Variants in UGT1A10 observed in about 807,000 individuals in gnomAD.
UGT1A10 encodes the protein UDP-glucuronosyltransferase 1A10.
UGT1A10 carries 49 observed loss-of-function variants against 45.8 expected under a neutral mutation model. The ratio of observed to expected loss-of-function variants is 1.07; its 90% CI spans 0.85 to 1.36. The LOEUF (loss-of-function observed/expected upper bound fraction) is 1.36, where lower values mean the gene tolerates loss of function less well. UGT1A10 is among the 40% of genes most tolerant of loss of function. The probability of loss-of-function intolerance (pLI) is 0.00; values close to 1 mark genes in which losing one functional copy is unlikely to be tolerated. For synonymous variants in UGT1A10, 284 were observed against 249.7 expected (o/e 1.14, Z -1.29); for missense variants, 745 against 668.6 (o/e 1.11, Z -1.26).
intron 1 of UGT1A10, among the ~76,000 whole-genome samples, chr2:233,650,222 G>A (rs1440633067): frequency 2.6e-5 from 4 of 152,048 alleles, no homozygotes; most frequent in African/African-American, 9.7e-5. Context: ...TGCCTGCCTC[G>A]GCCTCCCAAA....
intron 1 of UGT1A10, among the ~76,000 whole-genome samples, chr2:233,726,698 T>C (rs1479327471): frequency 6.6e-6 from 1 of 152,232 alleles, no homozygotes; most frequent in Non-Finnish European, 1.5e-5. Context: ...ACGGAACATA[T>C]TCCCAGGTTT....
In UGT1A10 at chr2:233,636,478, T is replaced by C. The variant is rs566221932; in HGVS notation, c.-45T>C. The C allele has an allele frequency of 5.7e-6, 9 of 1,585,454 alleles. No individual in the cohort carries two copies. The East Asian group carries it at 1.8e-4, about 32-fold the overall frequency. Reference sequence around the variant, plus strand: ...TGTACTTCTTCCGCCTACTGTATCATAGCAGCTTAGAATCCCAGCTGCTGG... The same window carrying C: ...TGTACTTCTTCCGCCTACTGTATCACAGCAGCTTAGAATCCCAGCTGCTGG... On this transcript the variant is annotated 5_prime_UTR_variant, in exon 1 of 5. Coordinates refer to ENST00000344644, the MANE Select transcript of UGT1A10 (RefSeq NM_019075.4).
intron 2 of UGT1A10, 34 bp downstream of exon 2, chr2:233,767,199 T>C (rs2126030914): frequency 1.9e-6 from 3 of 1,613,616 alleles, no homozygotes; most frequent in East Asian, 4.5e-5. Flanking sequence ...CTCATATCTA[T>C]TTTCACAGGA....
chr2:233,749,918 CA>C (rs1168394820), intron 1 of UGT1A10, among the ~76,000 whole-genome samples: 1 of 151,918 alleles, frequency 6.6e-6, no homozygotes. Flanking sequence ...AACTGTGAGT[CA>C]ATTAAAGCTC....
intron 1 of UGT1A10, among the ~76,000 whole-genome samples, chr2:233,741,179 T>C (rs1691582575): frequency 6.6e-6 from 1 of 151,930 alleles, no homozygotes; most frequent in Non-Finnish European, 1.5e-5. Flanking sequence ...AAACTGAACT[T>C]GTGTTTGCTT....
At chr2:233,739,351 C>A (rs1394476158) in intron 1 of UGT1A10, among the ~76,000 whole-genome samples, 1 of 152,186 alleles carries the variant, frequency 6.6e-6, no homozygotes, top group Admixed American at 6.5e-5. Context: ...CCCAGAAGGG[C>A]AGATCCAATA....
intron 1 of UGT1A10, chr2:233,712,908 G>A: frequency 2.5e-6 from 4 of 1,610,644 alleles, no homozygotes; most frequent in Non-Finnish European, 3.4e-6. Flanking sequence ...AGGTGTCTCA[G>A]TGACAAGGTA....
intron 1 of UGT1A10, among the ~76,000 whole-genome samples, chr2:233,715,449 T>C (rs2076452367): frequency 6.6e-6 from 1 of 152,180 alleles, no homozygotes; most frequent in African/African-American, 2.4e-5. Context: ...TCCTATGTTA[T>C]TTTTTGAATT....
intron 1 of UGT1A10, among the ~76,000 whole-genome samples, chr2:233,766,777 T>C (rs945359450): frequency 1.3e-5 from 2 of 152,236 alleles, no homozygotes; most frequent in Admixed American, 6.5e-5. Context: ...TGTGCTTTTC[T>C]TTTGGAAAAC....
intron 1 of UGT1A10, among the ~76,000 whole-genome samples, chr2:233,714,871 A>G (rs920771316): frequency 1.6e-4 from 24 of 148,302 alleles, no homozygotes; most frequent in African/African-American, 4.5e-4. Flanking sequence ...CTAAAATTCT[A>G]TCTTTTAAAT....
chr2:233,755,381 T>A (rs759849144), intron 1 of UGT1A10: 1 of 348,720 alleles, frequency 2.9e-6, no homozygotes, highest in Non-Finnish European at 5.6e-6. Flanking sequence ...GGCCGCCCCT[T>A]ATGACGCAGC....
At chr2:233,694,003 G>A in intron 1 of UGT1A10, 1 of 1,487,488 alleles carries the variant, frequency 6.7e-7, no homozygotes, top group Non-Finnish European at 9.1e-7. Context: ...CCGGCTCGGA[G>A]CAGCGGGAAC....
chr2:233,768,861 G>A (rs1031930019), intron 4 of UGT1A10, among the ~76,000 whole-genome samples: 1 of 152,004 alleles, frequency 6.6e-6, no homozygotes, highest in African/African-American at 2.4e-5. Flanking sequence ...TGAGATTACA[G>A]GCATGAGCCA....
intron 1 of UGT1A10, chr2:233,648,257 T>C (rs2073652189): frequency 6.5e-6 from 4 of 610,840 alleles, no homozygotes; most frequent in Non-Finnish European, 8.6e-6. Flanking sequence ...GAGAGTTCTT[T>C]TGATGCGGTG....
chr2:233,758,383 T>C (rs1384884444), intron 1 of UGT1A10, among the ~76,000 whole-genome samples: 2 of 152,192 alleles, frequency 1.3e-5, no homozygotes, highest in East Asian at 3.8e-4. Context: ...AGTGGTGACT[T>C]ATGTGTTTAT....
intron 1 of UGT1A10, among the ~76,000 whole-genome samples, chr2:233,698,666 C>G (rs112614617): frequency 3.3e-5 from 5 of 152,142 alleles, no homozygotes; most frequent in Admixed American, 3.3e-4. Context: ...TAACTATTGG[C>G]CCAACTATAA....
At chr2:233,768,524 T>C (rs1008769562) in intron 4 of UGT1A10, 85 bp downstream of exon 4, 5 of 1,531,904 alleles carry the variant, frequency 3.3e-6, no homozygotes, top group Non-Finnish European at 4.4e-6. Context: ...ACGTAGCATT[T>C]AATAGCGTTG....
At chr2:233,770,225 G>C (rs747501170) in intron 4 of UGT1A10, 1 of 152,132 alleles carries the variant, frequency 6.6e-6, no homozygotes, top group Admixed American at 6.5e-5. Flanking sequence ...CTGTCTGATT[G>C]TGAATCTCCA....
chr2:233,682,244 C>A, intron 1 of UGT1A10: 1 of 1,614,148 alleles, frequency 6.2e-7, no homozygotes, highest in South Asian at 1.1e-5. Flanking sequence ...GGCACCATTG[C>A]GAAGTGCATT....
Sources: gnomAD v4.1 joint callset for allele counts (sites outside exome capture counted in the v4.1 genomes callset) on GRCh38, gnomAD v4.1.1 for gene constraint, MANE v1.5 for transcripts, NCBI Gene and HGNC (gene_info 2026-07-23, HGNC 2026-07-21) for gene names.